Variants in OR51B5 observed in about 807,000 individuals in gnomAD.
The protein encoded by OR51B5 is olfactory receptor family 51 subfamily B member 5.
For synonymous variants in OR51B5, 186 were observed against 144.8 expected (o/e 1.28, Z -2.04); for missense variants, 456 against 374.6 (o/e 1.22, Z -1.79).
At chr11:5,400,711 C>G (rs763277403) in intron 1 of OR51B5, among the ~76,000 whole-genome samples, 1 of 152,180 alleles carries the variant, frequency 6.6e-6, no homozygotes, top group Non-Finnish European at 1.5e-5. Flanking sequence ...AAGATTTGTT[C>G]TCTGTGAGCT....
At chr11:5,418,421 A>G (rs547823519) in intron 1 of OR51B5, among the ~76,000 whole-genome samples, 4 of 150,482 alleles carry the variant, frequency 2.7e-5, no homozygotes, top group East Asian at 1.9e-4. Context: ...TAAAAACAAA[A>G]CAAAACAAAA....
chr11:5,446,397 C>A (rs1465109427), intron 1 of OR51B5, among the ~76,000 whole-genome samples: 1 of 151,904 alleles, frequency 6.6e-6, no homozygotes, highest in African/African-American at 2.4e-5. Flanking sequence ...TTCAAGTTTT[C>A]TGTGTTTGAA....
chr11:5,355,571 T>C (rs1849179746), intron 1 of OR51B5: 1 of 152,406 alleles, frequency 6.6e-6, no homozygotes, highest in Non-Finnish European at 1.5e-5. Context: ...GAGTCACTCT[T>C]GCAGTCCTGT....
chr11:5,342,773 A>G (rs779288467), exon 1 of OR51B5: 1 of 1,613,754 alleles, frequency 6.2e-7, no homozygotes, highest in Non-Finnish European at 8.5e-7. Context: ...AATCACTGTG[A>G]CATAAAAAAC....
intron 1 of OR51B5, among the ~76,000 whole-genome samples, chr11:5,348,791 G>A (rs981845468): frequency 2.6e-5 from 4 of 152,074 alleles, no homozygotes; most frequent in Non-Finnish European, 4.4e-5. Context: ...CACCCTTACA[G>A]CACACCCAGG....
At chr11:5,358,251 C>T (rs1282288455) in intron 1 of OR51B5, among the ~76,000 whole-genome samples, 3 of 151,866 alleles carry the variant, frequency 2.0e-5, no homozygotes, top group African/African-American at 7.3e-5. Context: ...GCTAGCAAGA[C>T]TAATAAAGAA....
At chr11:5,416,955 A>G (rs1261326935) in intron 1 of OR51B5, among the ~76,000 whole-genome samples, 29 of 147,570 alleles carry the variant, frequency 2.0e-4, no homozygotes, top group African/African-American at 6.6e-4. Flanking sequence ...ACCAAAAAAG[A>G]GCCCGCATCG....
At chr11:5,464,012 A>G (rs1470870490) in intron 1 of OR51B5, among the ~76,000 whole-genome samples, 1 of 152,230 alleles carries the variant, frequency 6.6e-6, no homozygotes, top group Non-Finnish European at 1.5e-5. Context: ...CTATGTATTT[A>G]AGGCAAATAC....
chr11:5,432,259 G>T (rs1850544967), intron 1 of OR51B5, among the ~76,000 whole-genome samples: 1 of 152,054 alleles, frequency 6.6e-6, no homozygotes, highest in Non-Finnish European at 1.5e-5. Context: ...CATTTGAGCA[G>T]GAACATGCAA....
chr11:5,375,799 A>G (rs1849517557), intron 1 of OR51B5, among the ~76,000 whole-genome samples: 1 of 152,204 alleles, frequency 6.6e-6, no homozygotes, highest in Non-Finnish European at 1.5e-5. Flanking sequence ...AGGAGCACCC[A>G]GATTCATAAA....
chr11:5,344,233 T>C (rs183800712), upstream of OR51B5, among the ~76,000 whole-genome samples: 4 of 152,336 alleles, frequency 2.6e-5, no homozygotes, highest in African/African-American at 9.6e-5. Flanking sequence ...AAGTTAGACT[T>C]TGGGGCTGGA....
intron 1 of OR51B5, among the ~76,000 whole-genome samples, chr11:5,359,942 C>A (rs9704788): frequency 2.0e-5 from 3 of 152,078 alleles, no homozygotes; most frequent in Middle Eastern, 6.8e-3. Context: ...GCTAACCATA[C>A]GCAGAAAGCT....
chr11:5,472,174 C>T (rs1232712391), intron 1 of OR51B5, among the ~76,000 whole-genome samples: 1 of 152,078 alleles, frequency 6.6e-6, no homozygotes, highest in African/African-American at 2.4e-5. Flanking sequence ...GCTCCAAGCA[C>T]GAAGCCAGCA....
intron 1 of OR51B5, among the ~76,000 whole-genome samples, chr11:5,490,019 G>T (rs1397353594): frequency 2.0e-5 from 3 of 152,172 alleles, no homozygotes; most frequent in South Asian, 4.1e-4. Flanking sequence ...AAAAGGTTTG[G>T]AATGAATTTG....
At chr11:5,497,042 TAAAAAAAAA>T (rs199964356) in intron 1 of OR51B5, among the ~76,000 whole-genome samples, 4 of 151,298 alleles carry the variant, frequency 2.6e-5, no homozygotes, top group African/African-American at 4.9e-5. Context: ...AATCAATGTT[TAAAAAAAAA>T]AAAAAAAAAA....
Position 5,460,110 on chromosome 11 carries a change from G to A in OR51B5, n.84+45459C>T, listed in dbSNP as rs146586194. Among the ~76,000 whole-genome samples, 839 of 152,246 alleles carry A rather than the reference G, an allele frequency of 5.5e-3. 8 individuals carry two copies. The highest frequency in any genetic ancestry group is 0.018 in the African/African-American group (757 of 41,552). ...TGTCCTTTTCAGAAACATGAATGGA[G>A]CTAAAGGCCATTATTCTTAGCAAAC... is the stretch of plus-strand genomic sequence containing the variant. On this transcript the variant is annotated intron_variant and non_coding_transcript_variant, in intron 1 of 4. Transcript: ENST00000415970.
At chr11:5,454,409 T>C in intron 1 of OR51B5, 3 of 1,604,856 alleles carry the variant, frequency 1.9e-6, no homozygotes, top group African/African-American at 1.4e-5. Flanking sequence ...TCCGCATGTT[T>C]CACCACATCA....
chr11:5,346,230 T>C (rs1014586304), upstream of OR51B5: 3 of 152,086 alleles, frequency 2.0e-5, no homozygotes, highest in Non-Finnish European at 4.4e-5. Flanking sequence ...GTTTCCTCCT[T>C]CTCCATTCCC....
intron 1 of OR51B5, among the ~76,000 whole-genome samples, chr11:5,450,085 A>G (rs963333403): frequency 6.6e-6 from 1 of 152,178 alleles, no homozygotes; most frequent in Non-Finnish European, 1.5e-5. Context: ...ATCTCAGAGA[A>G]TGTCCTTAAA....
Sources: gnomAD v4.1 joint callset for allele counts (sites outside exome capture counted in the v4.1 genomes callset) on GRCh38, gnomAD v4.1.1 for gene constraint, MANE v1.5 for transcripts, NCBI Gene and HGNC (gene_info 2026-07-23, HGNC 2026-07-21) for gene names.